Variants in NRG1 observed in about 807,000 individuals in gnomAD.
NRG1 encodes the protein pro-neuregulin-1, membrane-bound isoform.
A neutral mutation model predicts 63.8 loss-of-function variants in NRG1; 18 were observed. The ratio of observed to expected loss-of-function variants is 0.28; its 90% CI spans 0.19 to 0.42. The LOEUF (loss-of-function observed/expected upper bound fraction) is 0.42, where lower values mean the gene tolerates loss of function less well. Ranked by LOEUF, NRG1 falls within the 10% of genes least tolerant of loss-of-function variation. The pLI, the probability that NRG1 is intolerant of heterozygous loss-of-function variation, is 1.00. For missense variants in NRG1, 762 were observed against 814.7 expected, an observed-to-expected ratio of 0.94 and a Z score of 0.79; for synonymous variants, 302 against 301.3, an observed-to-expected ratio of 1.00 and a Z score of -0.02.
At chr8:32,338,472 C>T (rs1369319115) in intron 1 of NRG1, among the ~76,000 whole-genome samples, 2 of 152,046 alleles carry the variant, frequency 1.3e-5, no homozygotes, top group Non-Finnish European at 2.9e-5. Context: ...ATGAGGCATT[C>T]ATGCTCATTG....
chr8:32,648,555 T>G (rs1160595966), intron 5 of NRG1, among the ~76,000 whole-genome samples: 1 of 152,182 alleles, frequency 6.6e-6, no homozygotes, highest in Non-Finnish European at 1.5e-5. Context: ...TAAAATGATC[T>G]TGCAAACTCC....
intron 1 of NRG1, among the ~76,000 whole-genome samples, chr8:31,939,055 C>T (rs1036298458): frequency 1.3e-5 from 2 of 152,116 alleles, no homozygotes; most frequent in Non-Finnish European, 2.9e-5. Context: ...ATACAAGAAG[C>T]TCAAAGAACA....
intron 1 of NRG1, among the ~76,000 whole-genome samples, chr8:32,479,835 G>A (rs6468109): frequency 0.64 from 96,408 of 151,630 alleles, 30,914 homozygotes; most frequent in East Asian, 0.79. Flanking sequence ...ATTTTGGCAG[G>A]GATAGGGTTT....
At chr8:32,557,210 T>C (rs1196141273) in intron 1 of NRG1, among the ~76,000 whole-genome samples, 1 of 152,156 alleles carries the variant, frequency 6.6e-6, no homozygotes, top group African/African-American at 2.4e-5. Flanking sequence ...TGTTTCACTG[T>C]GTTAGCCAGG....
intron 1 of NRG1, among the ~76,000 whole-genome samples, chr8:31,919,977 A>AT (rs2129618427): frequency 6.6e-6 from 1 of 152,258 alleles, no homozygotes; most frequent in African/African-American, 2.4e-5. Context: ...CAACCCACAG[A>AT]TTTTTTGTCT....
At chr8:32,483,876 G>T (rs1164500160) in intron 1 of NRG1, among the ~76,000 whole-genome samples, 1 of 152,122 alleles carries the variant, frequency 6.6e-6, no homozygotes, top group Non-Finnish European at 1.5e-5. Context: ...GGGCCGAGGC[G>T]GGCAGATCAC....
At chr8:32,230,491 T>C (rs911848786) in intron 1 of NRG1, among the ~76,000 whole-genome samples, 3 of 151,950 alleles carry the variant, frequency 2.0e-5, no homozygotes, top group African/African-American at 4.8e-5. Flanking sequence ...AAGGAAGAAA[T>C]TGGAGAGTAG....
At chr8:32,412,475 T>G (rs1815238867) in intron 1 of NRG1, among the ~76,000 whole-genome samples, 1 of 130,898 alleles carries the variant, frequency 7.6e-6, no homozygotes, top group South Asian at 2.5e-4. Context: ...TATATATATA[T>G]GAACAGATAC....
chr8:31,893,796 A>C (rs943799532), intron 1 of NRG1, among the ~76,000 whole-genome samples: 2 of 151,990 alleles, frequency 1.3e-5, no homozygotes, highest in African/African-American at 4.8e-5. Flanking sequence ...TTTGGACAGC[A>C]TTTTTAGAGA....
chr8:32,220,754 C>T (rs759552721), intron 1 of NRG1, among the ~76,000 whole-genome samples: 2 of 152,192 alleles, frequency 1.3e-5, no homozygotes, highest in Non-Finnish European at 2.9e-5. Context: ...TCCCGGAGCT[C>T]CTCCGCGGTC....
At chr8:32,431,447 A>G (rs1818140213) in intron 1 of NRG1, among the ~76,000 whole-genome samples, 1 of 152,058 alleles carries the variant, frequency 6.6e-6, no homozygotes, top group African/African-American at 2.4e-5. Flanking sequence ...CTCACTCTCC[A>G]TCACGTAGTC....
intron 1 of NRG1, among the ~76,000 whole-genome samples, chr8:31,736,335 T>C (rs1814658448): frequency 6.6e-6 from 1 of 152,168 alleles, no homozygotes; most frequent in East Asian, 1.9e-4. Context: ...CAGTGAGGCC[T>C]TCGCTGACTT....
At chr8:31,719,251 A>G (rs889795122) in intron 1 of NRG1, among the ~76,000 whole-genome samples, 6 of 152,172 alleles carry the variant, frequency 3.9e-5, no homozygotes, top group Non-Finnish European at 7.4e-5. Flanking sequence ...TTTGGTTGAT[A>G]TGTTAGATCC....
chr8:32,412,040 A>G (rs890869992), intron 1 of NRG1, among the ~76,000 whole-genome samples: 14 of 152,226 alleles, frequency 9.2e-5, no homozygotes, highest in Middle Eastern at 3.4e-3. Context: ...TTGAACTGGT[A>G]GATTGAGAAA....
At chr8:32,413,226 A>G (rs1815363798) in intron 1 of NRG1, among the ~76,000 whole-genome samples, 1 of 152,224 alleles carries the variant, frequency 6.6e-6, no homozygotes, top group South Asian at 2.1e-4. Flanking sequence ...CTAAACAATA[A>G]TAGGCGATTG....
chr8:32,278,923 G>A (rs1852398211), intron 1 of NRG1, among the ~76,000 whole-genome samples: 2 of 152,306 alleles, frequency 1.3e-5, no homozygotes, highest in Non-Finnish European at 2.9e-5. Context: ...ATGAACTCCA[G>A]CCAGAGAAAT....
intron 1 of NRG1, among the ~76,000 whole-genome samples, chr8:32,449,499 T>A (rs1587717917): frequency 6.6e-6 from 1 of 152,110 alleles, no homozygotes; most frequent in East Asian, 1.9e-4. Context: ...TAAGACTTCT[T>A]TGAGATTTAA....
chr8:32,557,946 G>A (rs1835498783), intron 1 of NRG1, among the ~76,000 whole-genome samples: 1 of 152,122 alleles, frequency 6.6e-6, no homozygotes, highest in Non-Finnish European at 1.5e-5. Flanking sequence ...CCCTCAACCT[G>A]ACAGGAAGGA....
At chr8:32,537,754 T>C in intron 1 of NRG1, among the ~76,000 whole-genome samples, 1 of 152,308 alleles carries the variant, frequency 6.6e-6, no homozygotes, top group Middle Eastern at 3.4e-3. Flanking sequence ...GATGAGGAAA[T>C]AGCAGAGATG....
Sources: allele counts gnomAD v4.1 joint callset (sites outside exome capture counted in the v4.1 genomes callset), GRCh38; gene constraint gnomAD v4.1.1; transcripts MANE v1.5; gene names NCBI Gene and HGNC (gene_info 2026-07-23, HGNC 2026-07-21).